Variants in SUPT3H observed in about 807,000 individuals in gnomAD.
SUPT3H encodes SPT3 homolog, SAGA and STAGA complex component.
A neutral mutation model predicts 44.3 loss-of-function variants in SUPT3H; 44 were observed. That is an observed-to-expected ratio of 0.99 (90% CI 0.78 to 1.28). The LOEUF (loss-of-function observed/expected upper bound fraction) is 1.28. SUPT3H is among the 50% of genes most tolerant of loss of function. The pLI is 0.00. For synonymous variants in SUPT3H, 124 were observed against 125.6 expected (o/e 0.99, Z 0.09); for missense variants, 380 against 387.1 (o/e 0.98, Z 0.15).
chr6:45,337,008 A>G (rs1298099270), intron 2 of SUPT3H, among the ~76,000 whole-genome samples: 1 of 151,700 alleles, frequency 6.6e-6, no homozygotes, highest in Middle Eastern at 3.2e-3. Flanking sequence ...CATACTTAAA[A>G]CTTATGACAT....
intron 2 of SUPT3H, among the ~76,000 whole-genome samples, chr6:45,270,848 C>G (rs1562835291): frequency 1.3e-5 from 2 of 152,230 alleles, no homozygotes; most frequent in South Asian, 4.1e-4. Flanking sequence ...TGGCTTTGGC[C>G]AAAATACTGA....
chr6:45,138,721 G>T (rs185768064), intron 2 of SUPT3H, among the ~76,000 whole-genome samples: 12 of 152,162 alleles, frequency 7.9e-5, no homozygotes, highest in Non-Finnish European at 1.8e-4. Context: ...TAGAGACTGG[G>T]TACAAATAGG....
chr6:45,265,940 T>C (rs1389296500), intron 2 of SUPT3H, among the ~76,000 whole-genome samples: 2 of 152,080 alleles, frequency 1.3e-5, no homozygotes, highest in African/African-American at 4.8e-5. Flanking sequence ...CTCATTCATA[T>C]CTTTTGCCCA....
At chr6:44,912,064 G>C (rs535505388) in intron 10 of SUPT3H, among the ~76,000 whole-genome samples, 1 of 152,298 alleles carries the variant, frequency 6.6e-6, no homozygotes, top group East Asian at 1.9e-4. Flanking sequence ...GAATTCAGCA[G>C]CAGTTTCCTT....
At chr6:44,849,214 TGAATAC>T (rs1772414320) in intron 10 of SUPT3H, among the ~76,000 whole-genome samples, 1 of 129,744 alleles carries the variant, frequency 7.7e-6, no homozygotes, top group Non-Finnish European at 1.7e-5. Context: ...GCACTACAAA[TGAATAC>T]TTTTTTTTTT....
At chr6:44,809,643 T>C (rs1052977395) in intron 11 of SUPT3H, 6 of 152,216 alleles carry the variant, frequency 3.9e-5, no homozygotes, top group Admixed American at 3.3e-4. Flanking sequence ...AAAACTATTT[T>C]TAAAAAGTTT....
intron 2 of SUPT3H, among the ~76,000 whole-genome samples, chr6:45,184,247 C>T (rs1054293156): frequency 8.5e-5 from 13 of 152,076 alleles, no homozygotes; most frequent in African/African-American, 2.7e-4. Flanking sequence ...ATGTAATTAA[C>T]GCCTCTGAAG....
At chr6:44,863,421 G>T (rs1322061987) in intron 10 of SUPT3H, among the ~76,000 whole-genome samples, 1 of 152,210 alleles carries the variant, frequency 6.6e-6, no homozygotes, top group African/African-American at 2.4e-5. Context: ...CCTATTTCAT[G>T]TAAGGGGTCA....
intron 2 of SUPT3H, among the ~76,000 whole-genome samples, chr6:45,164,787 A>G (rs1290468446): frequency 6.6e-6 from 1 of 152,092 alleles, no homozygotes; most frequent in Non-Finnish European, 1.5e-5. Flanking sequence ...TCATATTTTA[A>G]AAAGTATAGT....
chr6:44,943,640 G>T (rs1315908076), intron 9 of SUPT3H, among the ~76,000 whole-genome samples: 1 of 151,944 alleles, frequency 6.6e-6, no homozygotes, highest in African/African-American at 2.4e-5. Context: ...AATTCTGAAA[G>T]CATCCAGAGA....
At chr6:44,957,517 AC>A (rs1209205527) in intron 7 of SUPT3H, among the ~76,000 whole-genome samples, 2 of 152,152 alleles carry the variant, frequency 1.3e-5, no homozygotes, top group African/African-American at 4.8e-5. Context: ...TACATTAATC[AC>A]TTATCTCCTT....
chr6:45,068,984 A>AT (rs1793925088), intron 3 of SUPT3H, among the ~76,000 whole-genome samples: 1 of 151,534 alleles, frequency 6.6e-6, no homozygotes, highest in Non-Finnish European at 1.5e-5. Flanking sequence ...TTGCAAAAAA[A>AT]AAAAAATAAA....
At chr6:45,335,270 T>C (rs987800737) in intron 2 of SUPT3H, among the ~76,000 whole-genome samples, 1 of 151,328 alleles carries the variant, frequency 6.6e-6, no homozygotes, top group Non-Finnish European at 1.5e-5. Context: ...TTTTACTAAA[T>C]GATTACAAAT....
chr6:44,909,903 C>A (rs1013038937), intron 10 of SUPT3H, among the ~76,000 whole-genome samples: 2 of 152,176 alleles, frequency 1.3e-5, no homozygotes, highest in South Asian at 4.1e-4. Flanking sequence ...ATAATACTGG[C>A]ATGAATACAG....
chr6:44,850,300 C>T (rs1272033968), intron 10 of SUPT3H, among the ~76,000 whole-genome samples: 1 of 152,152 alleles, frequency 6.6e-6, no homozygotes, highest in African/African-American at 2.4e-5. Flanking sequence ...AGTTCCCCTC[C>T]ACTTCCCCCT....
At chr6:45,250,532 A>G (rs1562793219) in intron 2 of SUPT3H, among the ~76,000 whole-genome samples, 3 of 152,108 alleles carry the variant, frequency 2.0e-5, no homozygotes, top group Non-Finnish European at 4.4e-5. Context: ...AGGATAGAAA[A>G]GAAAGCTGAA....
At chr6:44,953,852 C>T (rs1774694248) in intron 8 of SUPT3H, among the ~76,000 whole-genome samples, 1 of 152,062 alleles carries the variant, frequency 6.6e-6, no homozygotes, top group Non-Finnish European at 1.5e-5. Flanking sequence ...CTGCCTCAGC[C>T]TTCCTGAGTA....
At chr6:44,987,919 A>G (rs1253730279) in intron 6 of SUPT3H, among the ~76,000 whole-genome samples, 2 of 152,142 alleles carry the variant, frequency 1.3e-5, no homozygotes, top group Non-Finnish European at 2.9e-5. Flanking sequence ...ATAATCATTA[A>G]GTACCACGGG....
intron 2 of SUPT3H, among the ~76,000 whole-genome samples, chr6:45,158,300 T>TATATATATATATATATA (rs1562573429): frequency 3.1e-5 from 2 of 63,714 alleles, no homozygotes; most frequent in African/African-American, 1.3e-4. Context: ...ATATATATAT[T>TATATATATATATATATA]TTTTTTTTTT....
Sources: allele counts gnomAD v4.1 joint callset (sites outside exome capture counted in the v4.1 genomes callset), GRCh38; gene constraint gnomAD v4.1.1; transcripts MANE v1.5; gene names NCBI Gene and HGNC (gene_info 2026-07-23, HGNC 2026-07-21).